The following LIPA variants were observed in gnomAD, a reference collection of about 807,000 sequenced individuals.
LIPA encodes the protein lipase A, lysosomal acid type, also known as lysosomal acid lipase/cholesteryl ester hydrolase.
A neutral mutation model predicts 40.6 loss-of-function variants in LIPA; 26 were observed. The ratio of observed to expected loss-of-function variants is 0.64; its 90% CI spans 0.47 to 0.89. LIPA has a LOEUF of 0.89. Ranked by LOEUF, LIPA falls within the 40% of genes least tolerant of loss-of-function variation. LIPA has a pLI of 0.00. For synonymous variants in LIPA, 188 were observed against 168.4 expected (o/e 1.12, Z -0.90); for missense variants, 455 against 479.6 (o/e 0.95, Z 0.48).
intron 1 of LIPA, among the ~76,000 whole-genome samples, chr10:89,249,039 C>G (rs1455631365): frequency 6.6e-6 from 1 of 152,246 alleles, no homozygotes; most frequent in Non-Finnish European, 1.5e-5. Flanking sequence ...ACTATTAGCT[C>G]TTCCTCCTAC....
At chr10:89,302,014 T>G in intron 1 of LIPA, 2 of 1,172,460 alleles carry the variant, frequency 1.7e-6, no homozygotes, top group Non-Finnish European at 2.5e-6. Flanking sequence ...AGAGGCCACT[T>G]GTATATATAG....
At chr10:89,293,615 C>T (rs896960665) in intron 1 of LIPA, 13 of 152,064 alleles carry the variant, frequency 8.5e-5, no homozygotes, top group African/African-American at 3.1e-4. Flanking sequence ...GGTGAGACCT[C>T]TCTTCCTGAC....
intron 1 of LIPA, among the ~76,000 whole-genome samples, chr10:89,301,032 C>T (rs1228709677): frequency 6.6e-6 from 1 of 152,204 alleles, no homozygotes; most frequent in Non-Finnish European, 1.5e-5. Context: ...CTAGCATTTA[C>T]TTATTACTGC....
At chr10:89,291,599 C>T (rs1185908365) in intron 1 of LIPA, among the ~76,000 whole-genome samples, 2 of 151,972 alleles carry the variant, frequency 1.3e-5, no homozygotes, top group Non-Finnish European at 2.9e-5. Context: ...CACATACTGA[C>T]CTTTAGGCAG....
chr10:89,285,923 C>T (rs552507516), intron 1 of LIPA, among the ~76,000 whole-genome samples: 2 of 152,052 alleles, frequency 1.3e-5, no homozygotes, highest in Admixed American at 1.3e-4. Context: ...AACTTCCACC[C>T]TCCATTCCTC....
chr10:89,408,067 C>T (rs1035880705), intron 2 of LIPA, among the ~76,000 whole-genome samples: 2 of 152,048 alleles, frequency 1.3e-5, no homozygotes, highest in African/African-American at 4.8e-5. Context: ...GGGGGAGAAA[C>T]AAACAAACCA....
chr10:89,350,071 C>T (rs1367485477), intron 2 of LIPA, among the ~76,000 whole-genome samples: 2 of 152,094 alleles, frequency 1.3e-5, no homozygotes, highest in Non-Finnish European at 2.9e-5. Context: ...ATTTGACACC[C>T]CTCAAAGTTC....
At chr10:89,382,014 C>T (rs749885103) in intron 2 of LIPA, among the ~76,000 whole-genome samples, 3 of 152,118 alleles carry the variant, frequency 2.0e-5, no homozygotes, top group Non-Finnish European at 4.4e-5. Flanking sequence ...AGGCAATCTG[C>T]CTACCTCGGC....
chr10:89,306,812 C>G (rs765561408), intron 1 of LIPA: 1 of 1,614,000 alleles, frequency 6.2e-7, no homozygotes, highest in Non-Finnish European at 8.5e-7. Flanking sequence ...CCTGCATTGC[C>G]AAATTGGGTG....
chr10:89,332,957 G>A (rs774875808), intron 1 of LIPA, among the ~76,000 whole-genome samples: 5 of 152,284 alleles, frequency 3.3e-5, no homozygotes, highest in Admixed American at 6.5e-5. Flanking sequence ...GTTCTGGTTC[G>A]TCTTTTGTTT....
intron 2 of LIPA, among the ~76,000 whole-genome samples, chr10:89,394,622 AT>A (rs1844313587): frequency 3.6e-5 from 1 of 28,096 alleles, no homozygotes; most frequent in Non-Finnish European, 5.8e-5. Flanking sequence ...ATATATATAT[AT>A]ATATAAAACT....
chr10:89,378,005 T>A (rs1431527497), intron 2 of LIPA: 1 of 882,462 alleles, frequency 1.1e-6, no homozygotes, highest in Admixed American at 2.2e-5. Context: ...TGTAAAAAAC[T>A]GCCTGGATAT....
At chr10:89,334,478 C>CTTTTTTTTTTTTTTTTTTTT (rs578154457) in intron 1 of LIPA, among the ~76,000 whole-genome samples, 6 of 25,314 alleles carry the variant, frequency 2.4e-4, no homozygotes, top group Non-Finnish European at 2.1e-4. Flanking sequence ...TTCTTTTATT[C>CTTTTTTTTTTTTTTTTTTTT]TTTTTTTTTT....
At chr10:89,330,299 T>G (rs957469390) in intron 1 of LIPA, among the ~76,000 whole-genome samples, 4 of 152,232 alleles carry the variant, frequency 2.6e-5, no homozygotes, top group African/African-American at 9.6e-5. Flanking sequence ...AAAATGGGGC[T>G]TAGAAGGGCA....
intron 3 of LIPA, among the ~76,000 whole-genome samples, chr10:89,243,134 C>T (rs1842982934): frequency 6.6e-6 from 1 of 152,148 alleles, no homozygotes; most frequent in Admixed American, 6.5e-5. Context: ...TGTGAAAGGC[C>T]TTCTCCATTC....
At chr10:89,389,498 C>T (rs948482172) in intron 2 of LIPA, among the ~76,000 whole-genome samples, 15 of 152,130 alleles carry the variant, frequency 9.9e-5, no homozygotes, top group African/African-American at 3.6e-4. Flanking sequence ...ATCAGCTTTT[C>T]ATTAGGTAAC....
chr10:89,378,035 CAT>C (rs1844134955), intron 2 of LIPA: 5 of 1,256,086 alleles, frequency 4.0e-6, no homozygotes, highest in African/African-American at 1.5e-5. Context: ...ATATAAGCAC[CAT>C]GCTTATCTGA....
chr10:89,233,403 G>A (rs866245842), intron 3 of LIPA, among the ~76,000 whole-genome samples: 2 of 152,204 alleles, frequency 1.3e-5, no homozygotes, highest in East Asian at 1.9e-4. Flanking sequence ...GAGAATGGAG[G>A]CCACTCAGCT....
intron 1 of LIPA, among the ~76,000 whole-genome samples, chr10:89,324,951 G>T (rs189612633): frequency 6.6e-6 from 1 of 152,144 alleles, no homozygotes; most frequent in Non-Finnish European, 1.5e-5. Flanking sequence ...CTTTGCTATT[G>T]CAAATAGTGC....
Sources: allele counts gnomAD v4.1 joint callset (sites outside exome capture counted in the v4.1 genomes callset), GRCh38; gene constraint gnomAD v4.1.1; transcripts MANE v1.5; gene names NCBI Gene and HGNC (gene_info 2026-07-23, HGNC 2026-07-21).